Variants in LRRC28 observed in about 807,000 individuals in gnomAD.
LRRC28 encodes the protein leucine rich repeat containing 28.
A neutral mutation model predicts 45.7 loss-of-function variants in LRRC28; 39 were observed. The ratio of observed to expected loss-of-function variants is 0.85; its 90% confidence interval spans 0.66 to 1.12. The LOEUF (loss-of-function observed/expected upper bound fraction) is 1.12, where lower values mean the gene tolerates loss of function less well. Ranked by LOEUF, LRRC28 falls within the 50% of genes most tolerant of loss-of-function variation. LRRC28 has a pLI of 0.00. For missense variants in LRRC28, 435 were observed against 438.5 expected (o/e 0.99, Z 0.07); for synonymous variants, 206 against 178.8 (o/e 1.15, Z -1.22).
Position 99,363,323 on chromosome 15 carries a change from G to A in LRRC28, c.1031+58G>A, listed in dbSNP as rs562668479. The stretch of plus-strand genomic sequence containing the variant: ...ACCCAGGCAAGGGGTGGCAGGTGGG[G>A]AGGGGAGAGGCTGTGCATGAAAGCA... On this transcript the variant is annotated intron_variant, in intron 9 of 9. Transcript: ENST00000301981. 35 of 1,588,208 alleles carry A rather than the reference G, an allele frequency of 2.2e-5. No individual in the cohort carries two copies. In the East Asian group the frequency reaches 7.0e-4, roughly 32 times the overall value.
intron 5 of LRRC28, among the ~76,000 whole-genome samples, chr15:99,319,258 A>G (rs182063575): frequency 6.6e-6 from 1 of 152,280 alleles, no homozygotes; most frequent in East Asian, 1.9e-4. Context: ...GTAAAGAGAA[A>G]AAAGCCTCCC....
chr15:99,293,701 C>A, intron 5 of LRRC28, among the ~76,000 whole-genome samples: 1 of 142,730 alleles, frequency 7.0e-6, no homozygotes, highest in Non-Finnish European at 1.5e-5. Flanking sequence ...TTAAGAGACA[C>A]AGTCTTGCTG....
At chr15:99,357,448 T>G (rs1284713472) in intron 7 of LRRC28, among the ~76,000 whole-genome samples, 1 of 152,212 alleles carries the variant, frequency 6.6e-6, no homozygotes, top group East Asian at 1.9e-4. Context: ...CATGGATGAA[T>G]TCCAGAAGTA....
chr15:99,285,287 G>C, intron 3 of LRRC28: 2 of 738,090 alleles, frequency 2.7e-6, no homozygotes, highest in Non-Finnish European at 5.0e-6. Context: ...GTAGGCACCT[G>C]GTCTTTGAGA....
rs189187032 is a variant in LRRC28, at chr15:99,272,431, A to G, written c.169-4145A>G. Among the ~76,000 whole-genome samples, 4 of 152,374 alleles carry G rather than the reference A, an allele frequency of 2.6e-5. No individual in the cohort carries two copies. The East Asian group carries it at 5.8e-4, about 22-fold the overall frequency. On this transcript the variant is annotated intron_variant, in intron 2 of 9. Transcript: ENST00000301981. ...ATGGCCAGCTTGATGAAAGATGTGCAGTCCTAGCAGGTGTTCGGAAAGAGA... is the reference window on the plus strand; with the variant it reads ...ATGGCCAGCTTGATGAAAGATGTGCGGTCCTAGCAGGTGTTCGGAAAGAGA...
In LRRC28 at chr15:99,259,030, C is replaced by T. The variant is rs184971685; in HGVS notation, c.168+2905C>T. On this transcript the variant is annotated intron_variant, in intron 2 of 9. Coordinates refer to ENST00000301981, the MANE Select transcript of LRRC28 (RefSeq NM_144598.5). ...TTGTTCATAAAACTCTGGACATGAT[C>T]AAGAAGATTGCTGATGAGAAATACA... is the stretch of plus-strand genomic sequence containing the variant. 11 of 825,788 alleles carry T rather than the reference C, an allele frequency of 1.3e-5. No homozygotes were observed. In the Admixed American group the frequency reaches 1.4e-4, roughly 10 times the overall value. The allele number at this position is 825,788 out of a possible 1,614,324, so 51.2% of individuals were successfully genotyped here. A position where few individuals can be genotyped will look rare whatever the true frequency, so the allele number is the denominator to read the frequency against.
chr15:99,350,051 G>A (rs1324075839), intron 6 of LRRC28, among the ~76,000 whole-genome samples: 2 of 151,248 alleles, frequency 1.3e-5, no homozygotes, highest in Non-Finnish European at 2.9e-5. Flanking sequence ...CAGGAGAATG[G>A]CGTGAACCCG....
chr15:99,344,195 A>T (rs1175584257), intron 6 of LRRC28, among the ~76,000 whole-genome samples: 1 of 152,226 alleles, frequency 6.6e-6, no homozygotes, highest in East Asian at 1.9e-4. Context: ...AAAGCTGGGC[A>T]CTATATACGT....
chr15:99,350,614 G>A (rs1956847747), intron 6 of LRRC28, among the ~76,000 whole-genome samples: 1 of 152,168 alleles, frequency 6.6e-6, no homozygotes, highest in Non-Finnish European at 1.5e-5. Flanking sequence ...GGTCCTTAAT[G>A]GTTAAATGGG....
chr15:99,267,201 C>T (rs1305580077), intron 2 of LRRC28, among the ~76,000 whole-genome samples: 1 of 152,314 alleles, frequency 6.6e-6, no homozygotes. Flanking sequence ...AGATGACTCT[C>T]TTAGCCGGTG....
chr15:99,344,448 T>A (rs1956618177), intron 6 of LRRC28, among the ~76,000 whole-genome samples: 1 of 152,214 alleles, frequency 6.6e-6, no homozygotes, highest in African/African-American at 2.4e-5. Flanking sequence ...TACATACTCA[T>A]GTCCATGAGG....
intron 5 of LRRC28, among the ~76,000 whole-genome samples, chr15:99,325,653 G>T (rs939439242): frequency 1.3e-5 from 2 of 152,222 alleles, no homozygotes; most frequent in African/African-American, 4.8e-5. Flanking sequence ...TAGTTATCAT[G>T]AGTGGATTTT....
At position 99,334,134 on chromosome 15, in the gene LRRC28, G is replaced by A. The variant is rs199857586; in HGVS notation, c.592+5G>A. On this transcript the variant is annotated splice_donor_5th_base_variant and intron_variant, in intron 6 of 9. Coordinates refer to ENST00000301981, the MANE Select transcript of LRRC28 (RefSeq NM_144598.5). ...GTCTTGCATTTTTGCCACTTGGTAA[G>A]TGATTGTGTTTAAAGTAAAGCAGCC... 1.2e-6 allele frequency: 2 copies of A among 1,614,078 alleles called. No individual in the cohort carries two copies. Among genetic ancestry groups the A allele is most frequent in the East Asian group, 2.2e-5 (1 of 44,886 alleles).
chr15:99,290,269 GA>G (rs200910633), intron 5 of LRRC28, among the ~76,000 whole-genome samples: 1 of 118,240 alleles, frequency 8.5e-6, no homozygotes, highest in Non-Finnish European at 1.8e-5. Context: ...AAAAAAAAAA[GA>G]AAAAAAGAAA....
intron 6 of LRRC28, among the ~76,000 whole-genome samples, chr15:99,351,945 A>G (rs1475431947): frequency 1.3e-5 from 2 of 152,194 alleles, no homozygotes; most frequent in African/African-American, 4.8e-5. Flanking sequence ...AGGAGACAAT[A>G]TGTAGTTCTG....
intron 5 of LRRC28, among the ~76,000 whole-genome samples, chr15:99,304,062 T>A (rs1009719236): frequency 2.0e-5 from 3 of 152,212 alleles, no homozygotes; most frequent in Non-Finnish European, 4.4e-5. Flanking sequence ...GTTAGAAAAC[T>A]CTGACCTGTG....
chr15:99,287,349 T>C (rs1047576012), intron 4 of LRRC28, 55 bp downstream of exon 4: 3 of 1,285,460 alleles, frequency 2.3e-6, no homozygotes, highest in Non-Finnish European at 3.1e-6. Flanking sequence ...AGCTTTGCTT[T>C]ATAAATAGAT....
intron 9 of LRRC28, among the ~76,000 whole-genome samples, chr15:99,374,392 A>G (rs1013926744): frequency 1.1e-4 from 16 of 152,098 alleles, no homozygotes; most frequent in Admixed American, 9.8e-4. Flanking sequence ...TTCAATTTCC[A>G]TGTGTTCATT....
chr15:99,256,122 C>A lies in LRRC28; in HGVS notation c.165C>A (p.Ser55=). 6.2e-7 allele frequency: 1 copy of A among 1,608,172 alleles called. No individual in the cohort carries two copies. Among genetic ancestry groups the A allele is most frequent in the Non-Finnish European group, 8.5e-7 (1 of 1,177,790 alleles). The change falls in exon 2 of 10, where the codon TCC becomes TCA. Residue 55 remains serine (S), a synonymous_variant. Transcript: ENST00000301981. ...ATATGAAAAGGAACTCCCTGACATC[C>A]TTGGTACAGTATTATATTACACTAC... is the stretch of plus-strand genomic sequence containing the variant. ...RLYMKRNSLT[S]LPENLAQKLP...
Sources: allele counts gnomAD v4.1 joint callset (sites outside exome capture counted in the v4.1 genomes callset), GRCh38; gene constraint gnomAD v4.1.1; transcripts MANE v1.5; gene names NCBI Gene and HGNC (gene_info 2026-07-23, HGNC 2026-07-21).